ARHGAP21: variants seen among roughly 807,000 people sequenced by gnomAD.
ARHGAP21 encodes rho GTPase-activating protein 21.
In ARHGAP21, 38 loss-of-function variants were observed where a neutral mutation model predicts 164.6. That is an observed-to-expected ratio of 0.23 (90% CI 0.18 to 0.30). ARHGAP21 has a LOEUF of 0.30. Among genes scored for constraint, ARHGAP21 ranks in the 10% least tolerant of loss-of-function variants. ARHGAP21 has a pLI of 1.00. For synonymous variants in ARHGAP21, 766 were observed against 857.9 expected (o/e 0.89, Z 1.87); for missense variants, 1,822 against 2,370.7 (o/e 0.77, Z 4.81).
chr10:24,679,594 T>C (rs1366066547), intron 2 of ARHGAP21, among the ~76,000 whole-genome samples: 3 of 152,242 alleles, frequency 2.0e-5, no homozygotes, highest in Non-Finnish European at 2.9e-5. Flanking sequence ...GTATAAGTGA[T>C]CCATTTCTCC....
chr10:24,620,944 G>A lies in ARHGAP21; in HGVS notation c.951C>T (p.Thr317=). ...EQTSLKTVSR[T]TSPPLSIPTT... is the part of the protein sequence containing the mutation. Reference sequence around the variant, plus strand: ...TGGGAATTGATAATGGTGGTGATGTGGTTCTTGACACTGTTTTTAAAGAGG... The same window carrying A: ...TGGGAATTGATAATGGTGGTGATGTAGTTCTTGACACTGTTTTTAAAGAGG... Residue 317 remains threonine, a synonymous_variant, in exon 9 of 26, where the codon ACC becomes ACT. Transcript: ENST00000396432. 1.2e-6 allele frequency: 2 copies of A among 1,613,870 alleles called. No individual in the cohort carries two copies. The highest frequency in any genetic ancestry group is 1.7e-6 in the Non-Finnish European group (2 of 1,179,866).
rs575595202 is a variant in ARHGAP21 at position 24,590,278 on chromosome 10, T to C, written c.4150+947A>G. 1.8e-5 allele frequency: 28 copies of C among 1,522,022 alleles called. 1 individual carries two copies. The South Asian group carries it at 2.8e-4, about 15-fold the overall frequency. The allele number at this position is 1,522,022 out of a possible 1,614,324, so 94.3% of individuals were successfully genotyped here. On this transcript the variant is annotated intron_variant, in intron 24 of 25. Transcript: ENST00000396432. ...AGAAAAACTTTTAAGAAAGTAGTATTGATCTGTTTACAATAATCTTATGAG... is the reference window on the plus strand; with the variant it reads ...AGAAAAACTTTTAAGAAAGTAGTATCGATCTGTTTACAATAATCTTATGAG...
intron 2 of ARHGAP21, among the ~76,000 whole-genome samples, chr10:24,684,504 T>C (rs1842044548): frequency 6.6e-6 from 1 of 152,228 alleles, no homozygotes; most frequent in African/African-American, 2.4e-5. Flanking sequence ...ATTTTCTTTT[T>C]AAATGATATC....
At chr10:24,610,661 C>T (rs1329421626) in intron 9 of ARHGAP21, among the ~76,000 whole-genome samples, 4 of 152,060 alleles carry the variant, frequency 2.6e-5, no homozygotes, top group South Asian at 2.1e-4. Context: ...ATTTATTATT[C>T]GTATCTGAAT....
rs147761053 is a variant in ARHGAP21, at chr10:24,585,332, G to A, written c.4957C>T (p.Leu1653Phe). 5.0e-6 allele frequency: 8 copies of A among 1,612,888 alleles called. No individual in the cohort carries two copies. In the African/African-American group the frequency reaches 5.3e-5, roughly 11 times the overall value. ...VFPTALTSER[L>F]FRGKLQEVTK... ...ACTTCTTGCAGTTTTCCTCGGAAAA[G>A]CCTCTCTGAAGTCAAGGCTGTGGGG... The change falls in exon 26 of 26, where the codon CTT (leucine) becomes TTT (phenylalanine). Residue 1653 changes from leucine to phenylalanine, a missense_variant. Physicochemically the swap from Leu to Phe is conservative, Grantham distance 22. This residue lies in a region of ARHGAP21 where 333 missense variants were observed against 383.9 expected (regional missense o/e 0.87). Transcript: ENST00000396432.
chr10:24,712,256 T>C (rs934474620), intron 2 of ARHGAP21, among the ~76,000 whole-genome samples: 2 of 152,054 alleles, frequency 1.3e-5, no homozygotes, highest in African/African-American at 4.8e-5. Context: ...CAGTGACATA[T>C]GACCTTACAA....
intron 4 of ARHGAP21, among the ~76,000 whole-genome samples, chr10:24,664,139 G>A (rs553911542): frequency 2.0e-5 from 3 of 152,290 alleles, no homozygotes; most frequent in South Asian, 4.1e-4. Flanking sequence ...GGAGAAACCC[G>A]TCTCAGACCT....
At chr10:24,601,279 G>C (rs2076802069) in intron 13 of ARHGAP21, among the ~76,000 whole-genome samples, 1 of 152,212 alleles carries the variant, frequency 6.6e-6, no homozygotes, top group African/African-American at 2.4e-5. Flanking sequence ...TTGAGTGAAA[G>C]ACTTACGTCT....
intron 4 of ARHGAP21, among the ~76,000 whole-genome samples, chr10:24,654,477 C>G (rs930580077): frequency 6.6e-6 from 1 of 152,104 alleles, no homozygotes; most frequent in Non-Finnish European, 1.5e-5. Context: ...TTCCTATACA[C>G]CAATAACAGA....
chr10:24,632,258 A>G (rs1427410480), intron 6 of ARHGAP21, among the ~76,000 whole-genome samples: 2 of 152,232 alleles, frequency 1.3e-5, no homozygotes, highest in Admixed American at 1.3e-4. Context: ...ACAATGATTA[A>G]GTTGGTTTTT....
At chr10:24,711,281 G>C (rs887120907) in intron 2 of ARHGAP21, among the ~76,000 whole-genome samples, 2 of 151,858 alleles carry the variant, frequency 1.3e-5, no homozygotes, top group African/African-American at 2.4e-5. Context: ...AAAAATTCTG[G>C]GAGAAGGAAA....
intron 4 of ARHGAP21, among the ~76,000 whole-genome samples, chr10:24,646,283 A>G (rs1482934878): frequency 6.6e-6 from 1 of 152,002 alleles, no homozygotes; most frequent in African/African-American, 2.4e-5. Flanking sequence ...AAATGGGACT[A>G]CTCAACTAGG....
At chr10:24,708,622 C>G (rs1052301888) in intron 2 of ARHGAP21, among the ~76,000 whole-genome samples, 1 of 152,178 alleles carries the variant, frequency 6.6e-6, no homozygotes, top group African/African-American at 2.4e-5. Flanking sequence ...TCCTTCCACT[C>G]TCTACACCCA....
At chr10:24,673,019 AC>A (rs1264496266) in intron 2 of ARHGAP21, among the ~76,000 whole-genome samples, 1 of 152,198 alleles carries the variant, frequency 6.6e-6, no homozygotes, top group Non-Finnish European at 1.5e-5. Context: ...AGATCTACAA[AC>A]TGAAGCTCCA....
chr10:24,585,691 G>A lies in ARHGAP21; in HGVS notation c.4598C>T (p.Ala1533Val). ...CTCTTCAAGGTGGGAGGACTTCTGT[G>A]CCAGAAGTGACCTGGGGCTCTCTTT... ...ILKESPRSLL[A>V]QKSSHLEETG... The change falls in exon 26 of 26, where the codon GCA (alanine) becomes GTA (valine). Residue 1533 changes from alanine to valine, a missense_variant. Coordinates refer to ENST00000396432, the MANE Select transcript of ARHGAP21 (RefSeq NM_020824.4). The A allele has an allele frequency of 1.2e-6, 2 of 1,614,140 alleles. No individual in the cohort carries two copies. Among genetic ancestry groups the A allele is most frequent in the Non-Finnish European group, 1.7e-6 (2 of 1,179,992 alleles).
At chr10:24,715,817 T>C (rs1845320192) in intron 2 of ARHGAP21, among the ~76,000 whole-genome samples, 1 of 152,172 alleles carries the variant, frequency 6.6e-6, no homozygotes, top group African/African-American at 2.4e-5. Context: ...GAGACCAGCC[T>C]GGGCAACATG....
chr10:24,589,425 G>C, intron 24 of ARHGAP21, 123 bp from the exon 25 acceptor site: 1 of 772,714 alleles, frequency 1.3e-6, no homozygotes, highest in Non-Finnish European at 2.1e-6. Context: ...CAAAACAATA[G>C]AACACAGTGG....
At chr10:24,707,475 T>A (rs563651059) in intron 2 of ARHGAP21, among the ~76,000 whole-genome samples, 1 of 152,218 alleles carries the variant, frequency 6.6e-6, no homozygotes, top group African/African-American at 2.4e-5. Flanking sequence ...ATTTTAACTA[T>A]GAATTATTTC....
At chr10:24,664,760 G>A (rs1208762188) in intron 4 of ARHGAP21, among the ~76,000 whole-genome samples, 1 of 151,734 alleles carries the variant, frequency 6.6e-6, no homozygotes, top group Non-Finnish European at 1.5e-5. Flanking sequence ...AATTAAAATA[G>A]GCAAACTGTT....
Sources: gnomAD v4.1 joint callset for allele counts (sites outside exome capture counted in the v4.1 genomes callset) on GRCh38, gnomAD v4.1.1 for gene constraint, gnomAD v4.1.1 regional missense constraint, MANE v1.5 for transcripts, NCBI Gene and HGNC (gene_info 2026-07-23, HGNC 2026-07-21) for gene names.